The following SLC14A2 variants were observed in gnomAD, a reference collection of about 807,000 sequenced individuals.
SLC14A2 encodes urea transporter 2.
A neutral mutation model predicts 104.6 loss-of-function variants in SLC14A2; 91 were observed. The observed-to-expected ratio is 0.87, with a 90% CI of 0.73 to 1.04. The LOEUF (loss-of-function observed/expected upper bound fraction) is 1.04. SLC14A2 is among the 50% of genes least tolerant of loss of function. The pLI, the probability that SLC14A2 is intolerant of heterozygous loss-of-function variation, is 0.00. For synonymous variants in SLC14A2, 476 were observed against 466.4 expected, an observed-to-expected ratio of 1.02 and a Z score of -0.27; for missense variants, 1,189 against 1,156.0, an observed-to-expected ratio of 1.03 and a Z score of -0.41.
At chr18:45,645,612 A>AATATATATATATACATATATATAT (rs200386593) in intron 10 of SLC14A2, among the ~76,000 whole-genome samples, 11 of 28,196 alleles carry the variant, frequency 3.9e-4, no homozygotes, top group African/African-American at 1.2e-3. Flanking sequence ...GGTCTTTTTA[A>AATATATATATATACATATATATAT]ATATATATAT....
chr18:45,517,997 C>T (rs1385062903), intron 2 of SLC14A2, among the ~76,000 whole-genome samples: 2 of 152,150 alleles, frequency 1.3e-5, no homozygotes, highest in Admixed American at 1.3e-4. Flanking sequence ...TTAACTTTGA[C>T]ATCTTAAATT....
intron 1 of SLC14A2, among the ~76,000 whole-genome samples, chr18:45,229,402 T>TTTTG (rs146538293): frequency 0.094 from 14,221 of 151,630 alleles, 714 homozygotes; most frequent in Middle Eastern, 0.15. Context: ...CCCGTAGGTT[T>TTTTG]TTTGTTTGTT....
At chr18:45,586,823 A>C (rs1368283196) in intron 2 of SLC14A2, among the ~76,000 whole-genome samples, 1 of 152,146 alleles carries the variant, frequency 6.6e-6, no homozygotes, top group African/African-American at 2.4e-5. Context: ...CCCAAGGGAC[A>C]CTGTCAGGGA....
At chr18:45,621,716 G>A (rs1464111916) in intron 1 of SLC14A2, among the ~76,000 whole-genome samples, 2 of 152,180 alleles carry the variant, frequency 1.3e-5, no homozygotes, top group Non-Finnish European at 2.9e-5. Flanking sequence ...CCTAAGTTCT[G>A]GTGGGAAGAT....
intron 2 of SLC14A2, among the ~76,000 whole-genome samples, chr18:45,523,782 T>G (rs1281715743): frequency 6.6e-6 from 1 of 152,162 alleles, no homozygotes; most frequent in African/African-American, 2.4e-5. Flanking sequence ...GGGCTTCCTT[T>G]AAGGGCACTA....
chr18:45,553,255 C>T (rs1299448557), intron 2 of SLC14A2, among the ~76,000 whole-genome samples: 2 of 152,202 alleles, frequency 1.3e-5, no homozygotes, highest in Admixed American at 6.5e-5. Context: ...GGCTTCCATA[C>T]ATTTGAAAAA....
At chr18:45,183,354 C>G in the SLC14A2 span, among the ~76,000 whole-genome samples, 2 of 152,170 alleles carry the variant, frequency 1.3e-5, no homozygotes, top group Non-Finnish European at 2.9e-5. Flanking sequence ...GTTAACCTCA[C>G]CTTTTATCTT....
At chr18:45,466,961 G>T (rs376650454) in intron 1 of SLC14A2, among the ~76,000 whole-genome samples, 6 of 152,130 alleles carry the variant, frequency 3.9e-5, no homozygotes, top group African/African-American at 1.4e-4. Context: ...TTCTTTCAGG[G>T]ACATGTGTAT....
chr18:45,653,238 T>C (rs1258050805), intron 10 of SLC14A2, among the ~76,000 whole-genome samples: 4 of 152,052 alleles, frequency 2.6e-5, no homozygotes, highest in Non-Finnish European at 5.9e-5. Flanking sequence ...CACCACTCCT[T>C]GGAATGTGGG....
At chr18:45,391,723 T>C (rs1049517643) in intron 1 of SLC14A2, among the ~76,000 whole-genome samples, 2 of 152,248 alleles carry the variant, frequency 1.3e-5, no homozygotes, top group Non-Finnish European at 2.9e-5. Flanking sequence ...ATAAATGTCT[T>C]CTTTTGAGAA....
chr18:45,311,577 G>C, intron 1 of SLC14A2, among the ~76,000 whole-genome samples: 1 of 152,112 alleles, frequency 6.6e-6, no homozygotes, highest in Non-Finnish European at 1.5e-5. Flanking sequence ...AAGACATATG[G>C]CTTATTTAAA....
At chr18:45,484,686 A>T (rs2087564767) in intron 2 of SLC14A2, among the ~76,000 whole-genome samples, 1 of 151,990 alleles carries the variant, frequency 6.6e-6, no homozygotes, top group Non-Finnish European at 1.5e-5. Context: ...AGTCAGCAGA[A>T]CTCACTGGGG....
intron 1 of SLC14A2, among the ~76,000 whole-genome samples, chr18:45,405,981 T>C (rs1244879377): frequency 6.6e-6 from 1 of 151,924 alleles, no homozygotes; most frequent in East Asian, 1.9e-4. Flanking sequence ...CTTGCCTCAA[T>C]GTTGATGGTT....
In SLC14A2 at chr18:45,359,609, G is replaced by C. The variant is rs145925227; in HGVS notation, c.-124-123624G>C. Among the ~76,000 whole-genome samples, 414 of 152,320 alleles carry C rather than the reference G, an allele frequency of 2.7e-3. 1 individual carries two copies. The highest frequency in any genetic ancestry group is 9.4e-3 in the African/African-American group (389 of 41,576). ...AATCAGGGCAGTTTCCTTGGAAGCT[G>C]AAATTATCTCACAGGCATCTCAGAG... On this transcript the variant is annotated intron_variant, in intron 1 of 20. Coordinates refer to the SLC14A2 transcript ENST00000586448.
intron 1 of SLC14A2, among the ~76,000 whole-genome samples, chr18:45,460,323 C>T (rs1240412237): frequency 6.6e-6 from 1 of 152,202 alleles, no homozygotes; most frequent in East Asian, 1.9e-4. Context: ...CCCACCACCA[C>T]CTCCATGCTG....
intron 1 of SLC14A2, among the ~76,000 whole-genome samples, chr18:45,214,340 G>A (rs952019932): frequency 8.5e-5 from 13 of 152,170 alleles, no homozygotes; most frequent in Admixed American, 4.6e-4. Flanking sequence ...CGTGCATTCT[G>A]TGTATCTTGA....
intron 2 of SLC14A2, among the ~76,000 whole-genome samples, chr18:45,557,511 G>A (rs2044148500): frequency 6.6e-6 from 1 of 152,228 alleles, no homozygotes; most frequent in African/African-American, 2.4e-5. Flanking sequence ...TTTGGAAATA[G>A]CCTCGAGCAG....
At chr18:45,247,089 A>T (rs530214133) in intron 1 of SLC14A2, among the ~76,000 whole-genome samples, 12 of 152,176 alleles carry the variant, frequency 7.9e-5, no homozygotes, top group Non-Finnish European at 1.6e-4. Context: ...CATCAAGTTT[A>T]ATGTGTAGGT....
chr18:45,477,677 C>T (rs1387935557), intron 1 of SLC14A2, among the ~76,000 whole-genome samples: 1 of 152,210 alleles, frequency 6.6e-6, no homozygotes, highest in East Asian at 1.9e-4. Context: ...CAGAGATACC[C>T]TGCCCAGGGA....
Sources: allele counts gnomAD v4.1 joint callset (sites outside exome capture counted in the v4.1 genomes callset), GRCh38; gene constraint gnomAD v4.1.1; transcripts MANE v1.5; gene names NCBI Gene and HGNC (gene_info 2026-07-23, HGNC 2026-07-21).